UNC13C: variants seen among roughly 807,000 people sequenced by gnomAD.
The protein encoded by UNC13C is protein unc-13 homolog C.
A neutral mutation model predicts 245.4 loss-of-function variants in UNC13C; 174 were observed. That is an observed-to-expected ratio of 0.71 (90% CI 0.63 to 0.80). The LOEUF (loss-of-function observed/expected upper bound fraction) is 0.80. Ranked by LOEUF, UNC13C falls within the 30% of genes least tolerant of loss-of-function variation. UNC13C has a pLI of 0.00. For synonymous variants in UNC13C, 992 were observed against 895.1 expected (o/e 1.11, Z -1.93); for missense variants, 2,829 against 2,602.9 (o/e 1.09, Z -1.89).
At chr15:53,984,057 T>C (rs967253763) in intron 1 of UNC13C, among the ~76,000 whole-genome samples, 3 of 152,128 alleles carry the variant, frequency 2.0e-5, no homozygotes, top group Non-Finnish European at 4.4e-5. Flanking sequence ...ATGATTCTTT[T>C]CTCTGAGCAT....
At chr15:54,081,391 A>C (rs1008701644) in intron 2 of UNC13C, among the ~76,000 whole-genome samples, 3 of 152,014 alleles carry the variant, frequency 2.0e-5, no homozygotes, top group African/African-American at 7.2e-5. Flanking sequence ...TGGAGTGTTG[A>C]AGCCCTTCAC....
At chr15:54,467,634 CCCTGCTCTCCCATCAG>C (rs1468299234) in intron 19 of UNC13C, among the ~76,000 whole-genome samples, 1 of 151,686 alleles carries the variant, frequency 6.6e-6, no homozygotes, top group Non-Finnish European at 1.5e-5. Context: ...TCTCCATCTA[CCCTGCTCTCCCATCAG>C]CCTCTGATAA....
chr15:54,581,052 A>G (rs773976207), intron 30 of UNC13C, among the ~76,000 whole-genome samples: 5 of 152,246 alleles, frequency 3.3e-5, no homozygotes, highest in Non-Finnish European at 5.9e-5. Context: ...AAACAACTGT[A>G]TGAAGAGAAA....
intron 19 of UNC13C, among the ~76,000 whole-genome samples, chr15:54,447,319 A>C (rs966074130): frequency 6.6e-6 from 1 of 152,046 alleles, no homozygotes; most frequent in South Asian, 2.1e-4. Flanking sequence ...CTCTTTTTCT[A>C]TTGATTGGAA....
At chr15:54,048,892 C>T in intron 2 of UNC13C, 1 of 251,940 alleles carries the variant, frequency 4.0e-6, no homozygotes, top group South Asian at 5.1e-5. Flanking sequence ...GTGTCACTGT[C>T]CACATAAACC....
chr15:54,024,907 T>C (rs111580772), intron 2 of UNC13C, among the ~76,000 whole-genome samples: 2,275 of 150,620 alleles, frequency 0.015, 65 homozygotes, highest in African/African-American at 0.053. Context: ...AGAGAGAAAC[T>C]CCGTCTCAAA....
At chr15:54,485,002 A>ATT (rs35981487) in intron 19 of UNC13C, among the ~76,000 whole-genome samples, 1 of 151,100 alleles carries the variant, frequency 6.6e-6, no homozygotes. Flanking sequence ...TTATGGATGA[A>ATT]TTTTTTTTTT....
At chr15:54,439,477 A>G (rs1232903503) in intron 19 of UNC13C, among the ~76,000 whole-genome samples, 1 of 152,026 alleles carries the variant, frequency 6.6e-6, no homozygotes, top group Non-Finnish European at 1.5e-5. Flanking sequence ...ATATTGCTCA[A>G]TTATAATAGA....
chr15:54,148,389 C>T (rs1017877287), intron 4 of UNC13C, among the ~76,000 whole-genome samples: 8 of 152,202 alleles, frequency 5.3e-5, no homozygotes, highest in African/African-American at 1.9e-4. Context: ...TTTTTGTTAC[C>T]GTTGTAGAAC....
At chr15:54,402,370 G>C (rs1441770155) in intron 18 of UNC13C, among the ~76,000 whole-genome samples, 1 of 152,072 alleles carries the variant, frequency 6.6e-6, no homozygotes, top group African/African-American at 2.4e-5. Flanking sequence ...ACTTTTCTAA[G>C]TGCATAAGGG....
intron 24 of UNC13C, among the ~76,000 whole-genome samples, chr15:54,515,944 C>G (rs1894955762): frequency 6.6e-6 from 1 of 152,106 alleles, no homozygotes; most frequent in Admixed American, 6.5e-5. Context: ...CAGAATAGAG[C>G]CAAGGAATCT....
intron 13 of UNC13C, among the ~76,000 whole-genome samples, chr15:54,305,420 G>C (rs1006516222): frequency 6.6e-6 from 1 of 151,956 alleles, no homozygotes; most frequent in East Asian, 1.9e-4. Flanking sequence ...TTCAGAGATA[G>C]TTTCCACCAT....
chr15:53,910,272 A>G, the UNC13C span, among the ~76,000 whole-genome samples: 1 of 144,882 alleles, frequency 6.9e-6, no homozygotes, highest in African/African-American at 2.5e-5. Flanking sequence ...GGAGGTTTTT[A>G]TTATCTTTTT....
At position 53,986,476 on chromosome 15, in the gene UNC13C, G is replaced by A. The variant is rs901143444; in HGVS notation, c.-257+7549G>A. Among the ~76,000 whole-genome samples the A allele has an allele frequency of 1.1e-4, 17 of 152,092 alleles. No individual in the cohort carries two copies. The East Asian group carries it at 1.2e-3, about 10-fold the overall frequency. ...ACTGGCAAGATATTATTTGTTGATT[G>A]TTGTTTTAGAAATATACAGAATCCT... On this transcript the variant is annotated intron_variant, in intron 1 of 32. Coordinates refer to ENST00000260323, the MANE Select transcript of UNC13C (RefSeq NM_001080534.3).
At chr15:54,558,562 C>T (rs369923174) in intron 29 of UNC13C, among the ~76,000 whole-genome samples, 2 of 151,948 alleles carry the variant, frequency 1.3e-5, no homozygotes, top group Non-Finnish European at 2.9e-5. Flanking sequence ...CTTTCAGCCT[C>T]TATACAATAT....
At chr15:53,870,284 G>T in the UNC13C span, among the ~76,000 whole-genome samples, 1 of 152,246 alleles carries the variant, frequency 6.6e-6, no homozygotes, top group South Asian at 2.1e-4. Flanking sequence ...TCTCCTTTGA[G>T]AAGTCACTTT....
At position 54,012,916 on chromosome 15, in the gene UNC13C, T is replaced by G. The variant is rs774703220; in HGVS notation, c.13T>G (p.Phe5Val). The G allele has an allele frequency of 4.0e-5, 64 of 1,597,426 alleles. No individual in the cohort carries two copies. Among genetic ancestry groups the G allele is most frequent in the Non-Finnish European group, 4.9e-5 (58 of 1,173,026 alleles). Residue 5 changes from phenylalanine to valine, a missense_variant, in exon 2 of 33, where the codon TTT becomes GTT. Physicochemically the swap from Phe to Val is conservative, Grantham distance 50. Transcript: ENST00000260323. ...CTAATTGCTCTCCATGGTGGCTAAT[T>G]TTTTCAAGAGCTTGATTTTACCTTA... MVANFFKSLILPYIH... is the reference protein window; with the variant it reads MVANVFKSLILPYIH...
chr15:54,437,368 C>G (rs577997742), intron 19 of UNC13C, among the ~76,000 whole-genome samples: 1 of 151,940 alleles, frequency 6.6e-6, no homozygotes, highest in East Asian at 1.9e-4. Flanking sequence ...TTCAAAGGAA[C>G]TCACTCAACA....
intron 19 of UNC13C, among the ~76,000 whole-genome samples, chr15:54,416,699 T>G (rs1303984664): frequency 6.6e-6 from 1 of 152,046 alleles, no homozygotes; most frequent in Non-Finnish European, 1.5e-5. Context: ...ATACTCTGCA[T>G]CCCCCCACCC....
Sources: gnomAD v4.1 joint callset for allele counts (sites outside exome capture counted in the v4.1 genomes callset) on GRCh38, gnomAD v4.1.1 for gene constraint, MANE v1.5 for transcripts, NCBI Gene and HGNC (gene_info 2026-07-23, HGNC 2026-07-21) for gene names.